The following UNC13C variants were observed in gnomAD, a reference collection of about 807,000 sequenced individuals.
UNC13C encodes unc-13 homolog C, also known as protein unc-13 homolog C.
UNC13C carries 174 observed loss-of-function variants against 245.4 expected under a neutral mutation model. The observed-to-expected ratio is 0.71, with a 90% confidence interval of 0.63 to 0.80. The LOEUF (loss-of-function observed/expected upper bound fraction) is 0.80, where lower values mean the gene tolerates loss of function less well. UNC13C is among the 30% of genes least tolerant of loss of function. The pLI is 0.00. For missense variants in UNC13C, 2,829 were observed against 2,602.9 expected (o/e 1.09, Z -1.89); for synonymous variants, 992 against 895.1 (o/e 1.11, Z -1.93).
intron 29 of UNC13C, among the ~76,000 whole-genome samples, chr15:54,560,316 A>G (rs2141205733): frequency 6.6e-6 from 1 of 152,094 alleles, no homozygotes; most frequent in East Asian, 1.9e-4. Flanking sequence ...ATTGTGCAAG[A>G]TCTTCAATCT....
At chr15:54,315,319 A>C (rs1444453231) in intron 13 of UNC13C, among the ~76,000 whole-genome samples, 2 of 151,628 alleles carry the variant, frequency 1.3e-5, no homozygotes, top group Non-Finnish European at 2.9e-5. Flanking sequence ...GATCTTGCTA[A>C]GGTCATGATG....
chr15:54,455,197 CTCTCTCTCTATATATATA>C (rs1891424168), intron 19 of UNC13C, among the ~76,000 whole-genome samples: 4 of 43,942 alleles, frequency 9.1e-5, no homozygotes, highest in African/African-American at 2.2e-4. Context: ...CTCTCTCTCT[CTCTCTCTCTATATATATA>C]TATATATATA....
At chr15:54,117,932 T>C (rs1407369789) in intron 2 of UNC13C, among the ~76,000 whole-genome samples, 1 of 152,114 alleles carries the variant, frequency 6.6e-6, no homozygotes, top group Non-Finnish European at 1.5e-5. Context: ...GTTCTTGGCA[T>C]CTTTGTTGAA....
chr15:54,100,714 C>A (rs554403677), intron 2 of UNC13C, among the ~76,000 whole-genome samples: 1 of 151,520 alleles, frequency 6.6e-6, no homozygotes, highest in East Asian at 1.9e-4. Context: ...CTGTTGAAAC[C>A]AAAAAATTCA....
intron 1 of UNC13C, among the ~76,000 whole-genome samples, chr15:53,984,890 A>G (rs1894066431): frequency 6.6e-6 from 1 of 152,058 alleles, no homozygotes; most frequent in Non-Finnish European, 1.5e-5. Context: ...GATTAAATCA[A>G]TTGCCCCAAG....
intron 2 of UNC13C, among the ~76,000 whole-genome samples, chr15:54,087,124 G>C (rs1050217437): frequency 1.3e-5 from 2 of 152,042 alleles, no homozygotes; most frequent in African/African-American, 4.8e-5. Flanking sequence ...ACATGATTTA[G>C]ATGTGTCATT....
intron 2 of UNC13C, among the ~76,000 whole-genome samples, chr15:54,101,588 C>G (rs1173689900): frequency 1.3e-5 from 2 of 148,526 alleles, no homozygotes; most frequent in Non-Finnish European, 3.0e-5. Context: ...TATCCTCCCC[C>G]TTTTTTTTTT....
intron 4 of UNC13C, among the ~76,000 whole-genome samples, chr15:54,197,742 G>A (rs1286563320): frequency 1.3e-5 from 2 of 152,106 alleles, no homozygotes; most frequent in African/African-American, 2.4e-5. Context: ...CAGACAGAGA[G>A]AGCAATATGT....
intron 1 of UNC13C, among the ~76,000 whole-genome samples, chr15:53,987,790 G>C (rs1200664418): frequency 1.3e-5 from 2 of 152,008 alleles, no homozygotes; most frequent in African/African-American, 4.8e-5. Flanking sequence ...TTCTTGCTGT[G>C]TGCCTTAGGC....
chr15:54,110,262 C>T (rs1900700048), intron 2 of UNC13C, among the ~76,000 whole-genome samples: 1 of 139,674 alleles, frequency 7.2e-6, no homozygotes, highest in Non-Finnish European at 1.5e-5. Context: ...GCCTGGGTGA[C>T]AGAGTGAGAC....
rs80133812 is a variant in UNC13C, at chr15:54,115,362, T to A, written c.2984-27656T>A. 1.1e-4 allele frequency among the ~76,000 whole-genome samples: 17 copies of A among 152,114 alleles called. 1 individual carries two copies. The South Asian group carries it at 3.5e-3, about 31-fold the overall frequency. ...AAACCAGTTGTGCCAACATTATCAA[T>A]TGCATCCTTCACTGTGGTTTTGTGC... On this transcript the variant is annotated intron_variant, in intron 2 of 32. Transcript: ENST00000260323.
chr15:54,157,463 A>G (rs2032797257), intron 4 of UNC13C, among the ~76,000 whole-genome samples: 1 of 152,176 alleles, frequency 6.6e-6, no homozygotes. Flanking sequence ...GTTTAATAAT[A>G]CATTATTAAA....
chr15:54,452,036 A>T (rs1396205319), intron 19 of UNC13C, among the ~76,000 whole-genome samples: 11 of 152,208 alleles, frequency 7.2e-5, no homozygotes, highest in Admixed American at 7.2e-4. Context: ...TACACAGCCA[A>T]ATCAGTGGTA....
chr15:54,377,996 C>T (rs765599621), intron 17 of UNC13C, among the ~76,000 whole-genome samples: 23 of 151,876 alleles, frequency 1.5e-4, no homozygotes, highest in Non-Finnish European at 3.1e-4. Flanking sequence ...TTTTTAGATA[C>T]AGTATGGGAT....
At chr15:54,524,219 T>A (rs1461826399) in intron 24 of UNC13C, among the ~76,000 whole-genome samples, 1 of 149,632 alleles carries the variant, frequency 6.7e-6, no homozygotes, top group Non-Finnish European at 1.5e-5. Flanking sequence ...CTTATAGAAG[T>A]CTCTATCTGT....
chr15:54,380,071 CT>C (rs2039690400), intron 17 of UNC13C, among the ~76,000 whole-genome samples: 1 of 152,006 alleles, frequency 6.6e-6, no homozygotes, highest in Non-Finnish European at 1.5e-5. Flanking sequence ...TACAATAGAT[CT>C]CTTGAATTTA....
chr15:54,229,949 G>A lies in UNC13C; in HGVS notation c.3072-5081G>A, dbSNP rs200598798. Among the ~76,000 whole-genome samples, 6 of 151,730 alleles carry A rather than the reference G, an allele frequency of 4.0e-5. No individual in the cohort carries two copies. In the East Asian group the frequency reaches 1.2e-3, roughly 29 times the overall value. Reference sequence around the variant, plus strand: ...GGTTCATCCATTGTCACAAATTGTAGGGTTTTTTTTTAAGACTGACTAGTA... The same window carrying A: ...GGTTCATCCATTGTCACAAATTGTAAGGTTTTTTTTTAAGACTGACTAGTA... On this transcript the variant is annotated intron_variant, in intron 4 of 32. Transcript: ENST00000260323.
At chr15:54,098,608 T>C (rs1408708237) in intron 2 of UNC13C, among the ~76,000 whole-genome samples, 2 of 152,192 alleles carry the variant, frequency 1.3e-5, no homozygotes, top group African/African-American at 4.8e-5. Flanking sequence ...TGTTTTTTTT[T>C]CTTAGTAGAT....
At chr15:54,489,475 C>G (rs1380902639) in intron 19 of UNC13C, among the ~76,000 whole-genome samples, 1 of 152,158 alleles carries the variant, frequency 6.6e-6, no homozygotes, top group East Asian at 1.9e-4. Context: ...AGGAGACAGC[C>G]TCAATGTATG....
Sources: allele counts gnomAD v4.1 joint callset (sites outside exome capture counted in the v4.1 genomes callset), GRCh38; gene constraint gnomAD v4.1.1; transcripts MANE v1.5; gene names NCBI Gene and HGNC (gene_info 2026-07-23, HGNC 2026-07-21).